CDKL2: variants seen among roughly 807,000 people sequenced by gnomAD.
CDKL2 encodes cyclin dependent kinase like 2.
CDKL2 carries 64 observed loss-of-function variants against 63.9 expected under a neutral mutation model. That is an observed-to-expected ratio of 1.00 (90% confidence interval 0.82 to 1.23). The LOEUF (loss-of-function observed/expected upper bound fraction) is 1.23, where lower values mean the gene tolerates loss of function less well. CDKL2 is among the 50% of genes most tolerant of loss of function. The probability of loss-of-function intolerance (pLI) is 0.00; values close to 1 mark genes in which losing one functional copy is unlikely to be tolerated. For missense variants in CDKL2, 656 were observed against 668.0 expected (o/e 0.98, Z 0.20); for synonymous variants, 211 against 229.2 (o/e 0.92, Z 0.72).
At chr4:75,622,930 G>C (rs1003148123) in intron 2 of CDKL2, among the ~76,000 whole-genome samples, 5 of 151,780 alleles carry the variant, frequency 3.3e-5, no homozygotes, top group African/African-American at 4.8e-5. Context: ...TAGGGAAGAT[G>C]GTCTTATAGA....
intron 7 of CDKL2, among the ~76,000 whole-genome samples, chr4:75,599,084 T>C (rs1729063106): frequency 6.6e-6 from 1 of 152,234 alleles, no homozygotes; most frequent in Non-Finnish European, 1.5e-5. Context: ...TATATCAATA[T>C]TTTTAAGATC....
At chr4:75,598,424 A>T (rs1729036881) in intron 7 of CDKL2, among the ~76,000 whole-genome samples, 1 of 152,054 alleles carries the variant, frequency 6.6e-6, no homozygotes, top group Non-Finnish European at 1.5e-5. Flanking sequence ...CACAAAGTCA[A>T]TGCTATTATT....
intron 10 of CDKL2, among the ~76,000 whole-genome samples, chr4:75,594,963 C>G (rs1429117999): frequency 6.6e-6 from 1 of 152,052 alleles, no homozygotes; most frequent in African/African-American, 2.4e-5. Context: ...GGAAGTTTAG[C>G]AGAAGAATGA....
At chr4:75,584,923 A>AG (rs945543207) in intron 12 of CDKL2, among the ~76,000 whole-genome samples, 35 of 152,358 alleles carry the variant, frequency 2.3e-4, no homozygotes, top group African/African-American at 7.5e-4. Context: ...ACTATAGATA[A>AG]GGGGGGACTA....
chr4:75,607,040 T>C, intron 4 of CDKL2, 143 bp downstream of exon 4: 1 of 592,712 alleles, frequency 1.7e-6, no homozygotes, highest in Non-Finnish European at 2.8e-6. Flanking sequence ...GCACCAAAAA[T>C]GATTACAATT....
chr4:75,604,716 A>C (rs927408696), intron 5 of CDKL2, among the ~76,000 whole-genome samples: 2 of 152,246 alleles, frequency 1.3e-5, no homozygotes. Context: ...TTACTGACTC[A>C]AGAATAATAA....
intron 12 of CDKL2, among the ~76,000 whole-genome samples, chr4:75,583,443 A>T (rs1728342562): frequency 6.6e-6 from 1 of 152,220 alleles, no homozygotes; most frequent in Non-Finnish European, 1.5e-5. Context: ...ATCACTTTGT[A>T]TTCTGAAAGA....
At chr4:75,616,165 A>G (rs1729915900) in intron 2 of CDKL2, among the ~76,000 whole-genome samples, 1 of 151,988 alleles carries the variant, frequency 6.6e-6, no homozygotes, top group Admixed American at 6.6e-5. Flanking sequence ...ATGGCTAGGC[A>G]TGGTAGCTTA....
In CDKL2 at chr4:75,607,263, A is replaced by C. The variant is rs149243068; in HGVS notation, c.462T>G (p.Pro154=). 1,293 of 1,614,092 alleles carry C rather than the reference A, an allele frequency of 8.0e-4. 14 individuals carry two copies. In the African/African-American group the frequency reaches 0.016, roughly 20 times the overall value. ...DFGFARTLAA[P]GEVYTDYVAT... Reference sequence around the variant, plus strand: ...CCACATAATCAGTATAAACCTCCCCAGGAGCTGCCAATGTTCGCGCAAATC... The same window carrying C: ...CCACATAATCAGTATAAACCTCCCCCGGAGCTGCCAATGTTCGCGCAAATC... Residue 154 remains proline (P), a synonymous_variant, in exon 4 of 14, where the codon CCT becomes CCG. Coordinates refer to ENST00000307465, the MANE Select transcript of CDKL2 (RefSeq NM_001330724.2).
Position 75,625,973 on chromosome 4 carries a change from T to C in CDKL2, c.16A>G (p.Asn6Asp), listed in dbSNP as rs760511621. 1.3e-4 allele frequency: 206 copies of C among 1,606,056 alleles called. No individual in the cohort carries two copies. The highest frequency in any genetic ancestry group is 1.7e-4 in the Non-Finnish European group (202 of 1,178,298). Residue 6 changes from asparagine (N) to aspartate (D), a missense_variant, in exon 2 of 14, where the codon AAC (asparagine) becomes GAC (aspartate). Physicochemically the swap from Asn to Asp is conservative, Grantham distance 23. Transcript: ENST00000307465. MEKYE[N>D]LGLVGEGSYG... ...CTCCCTTCTCCAACCAAACCCAGGT[T>C]TTCATATTTTTCCATTTTAATTTAA...
chr4:75,582,811 T>C (rs1728317642), intron 12 of CDKL2, among the ~76,000 whole-genome samples: 1 of 152,028 alleles, frequency 6.6e-6, no homozygotes. Flanking sequence ...AAACATTACA[T>C]ATAGGGAAAC....
chr4:75,605,266 T>C (rs2148888505), intron 5 of CDKL2, among the ~76,000 whole-genome samples: 1 of 152,042 alleles, frequency 6.6e-6, no homozygotes, highest in South Asian at 2.1e-4. Context: ...GGCAGGAGAA[T>C]CGCTTGAACC....
At chr4:75,599,462 G>A (rs1362679634) in intron 7 of CDKL2, among the ~76,000 whole-genome samples, 1 of 149,688 alleles carries the variant, frequency 6.7e-6, no homozygotes, top group Non-Finnish European at 1.5e-5. Flanking sequence ...TCGGGAGGCT[G>A]AGGCAAGAGA....
chr4:75,586,501 A>G (rs1471126059), intron 12 of CDKL2, among the ~76,000 whole-genome samples: 2 of 152,314 alleles, frequency 1.3e-5, no homozygotes, highest in Non-Finnish European at 2.9e-5. Context: ...AAGTGCTGGG[A>G]TTACAGGCGT....
intron 6 of CDKL2, among the ~76,000 whole-genome samples, chr4:75,602,377 A>C (rs975415900): frequency 2.0e-5 from 3 of 151,920 alleles, no homozygotes; most frequent in Non-Finnish European, 4.4e-5. Context: ...ATGGGGTTTC[A>C]CCATCTTGGC....
At chr4:75,600,438 A>G in intron 6 of CDKL2, 69 bp from the exon 7 acceptor site, 3 of 1,038,968 alleles carry the variant, frequency 2.9e-6, no homozygotes, top group East Asian at 2.6e-5. Context: ...ATAAATATAG[A>G]AAAAAAATCC....
chr4:75,606,284 A>G (rs1300478350), intron 4 of CDKL2, among the ~76,000 whole-genome samples: 2 of 150,462 alleles, frequency 1.3e-5, no homozygotes, highest in Non-Finnish European at 2.9e-5. Context: ...GCGTAATCTC[A>G]GCTCACTGCA....
intron 5 of CDKL2, among the ~76,000 whole-genome samples, chr4:75,604,560 AT>A (rs559806439): frequency 9.5e-4 from 144 of 152,330 alleles, no homozygotes; most frequent in Non-Finnish European, 1.7e-3. Context: ...CAAACGTAAG[AT>A]TTTGATAGTC....
chr4:75,626,066 C>T lies in CDKL2; in HGVS notation c.-29-49G>A. ...TAACAAAGTTGAGTACGTTAATTTC[C>T]TCCGCCTTCCCAGCAAATTAATTCT... On this transcript the variant is annotated intron_variant, in intron 1 of 13. Transcript: ENST00000307465. The T allele has an allele frequency of 4.4e-6, 5 of 1,142,128 alleles. No homozygotes were observed. In the South Asian group the frequency reaches 6.6e-5, roughly 15 times the overall value. The allele number at this position is 1,142,128 out of a possible 1,614,324, so 70.7% of individuals were successfully genotyped here.
Sources: allele counts gnomAD v4.1 joint callset (sites outside exome capture counted in the v4.1 genomes callset), GRCh38; gene constraint gnomAD v4.1.1; transcripts MANE v1.5; gene names NCBI Gene and HGNC (gene_info 2026-07-23, HGNC 2026-07-21).